ZBTB49: variants seen among roughly 807,000 people sequenced by gnomAD.
The protein encoded by ZBTB49 is zinc finger and BTB domain-containing protein 49.
In ZBTB49, 43 loss-of-function variants were observed where a neutral mutation model predicts 57.5. The ratio of observed to expected loss-of-function variants is 0.75; its 90% CI spans 0.59 to 0.97. The LOEUF (loss-of-function observed/expected upper bound fraction) is 0.97, where lower values mean the gene tolerates loss of function less well. Among genes scored for constraint, ZBTB49 ranks in the 50% least tolerant of loss-of-function variants. The probability of loss-of-function intolerance (pLI) is 0.00; values close to 1 mark genes in which losing one functional copy is unlikely to be tolerated. For synonymous variants in ZBTB49, 369 were observed against 362.1 expected (o/e 1.02, Z -0.22); for missense variants, 938 against 947.7 (o/e 0.99, Z 0.13).
chr4:4,299,989 T>C lies in ZBTB49; in HGVS notation c.44T>C (p.Leu15Pro), dbSNP rs1203847719. The change falls in exon 2 of 8, where the codon CTG becomes CCG. Residue 15 changes from leucine (L) to proline (P), a missense_variant. Physicochemically the swap from Leu to Pro is moderately conservative, Grantham distance 98. Coordinates refer to ENST00000337872, the MANE Select transcript of ZBTB49 (RefSeq NM_145291.4). ...ATHSCHLLQQLHEQRIQGLLC... is the reference protein window; with the variant it reads ...ATHSCHLLQQPHEQRIQGLLC... ...CACAGCTGCCATCTGCTCCAGCAAC[T>C]GCATGAGCAGCGAATCCAAGGCCTG... is the stretch of plus-strand genomic sequence containing the variant. 1 of 1,614,210 alleles carries C rather than the reference T, an allele frequency of 6.2e-7. No homozygotes were observed. The highest frequency in any genetic ancestry group is 8.5e-7 in the Non-Finnish European group (1 of 1,180,038).
At chr4:4,314,781 G>A (rs1721118997) in intron 5 of ZBTB49, among the ~76,000 whole-genome samples, 1 of 152,250 alleles carries the variant, frequency 6.6e-6, no homozygotes, top group Non-Finnish European at 1.5e-5. Context: ...ACATCTGAGG[G>A]CTTGGGTTGG....
In ZBTB49 at chr4:4,299,776, GGT is replaced by G. The variant is rs33911857; in HGVS notation, c.-19-117_-19-116del. ...GCGGTCTAGATGCCTCAGAAACAGA[GGT>G]GTGTGTGTGTGTGTGTGTGTGTGTG... On this transcript the variant is annotated intron_variant, in intron 1 of 7. Coordinates refer to ENST00000337872, the MANE Select transcript of ZBTB49 (RefSeq NM_145291.4). 1.8e-3 allele frequency among the ~76,000 whole-genome samples: 187 copies of G among 103,722 alleles called. 1 individual carries two copies. The highest frequency in any genetic ancestry group is 3.0e-3 in the Non-Finnish European group (121 of 40,490). The allele number at this position is 103,722 out of a possible 152,430, so 68.0% of individuals were successfully genotyped here.
Position 4,320,778 on chromosome 4 carries a change from A to C in ZBTB49, c.1760A>C (p.Lys587Thr). 1 of 1,614,196 alleles carries C rather than the reference A, an allele frequency of 6.2e-7. No homozygotes were observed. Among genetic ancestry groups the C allele is most frequent in the Non-Finnish European group, 8.5e-7 (1 of 1,180,034 alleles). ...VLRRHKKMHCKAGDESPDVLE... is the reference protein window; with the variant it reads ...VLRRHKKMHCTAGDESPDVLE... ...CGGCGGCACAAGAAGATGCACTGCA[A>C]AGCTGGTGACGAGAGCCCAGATGTG... is the stretch of plus-strand genomic sequence containing the variant. The change falls in exon 8 of 8, where the codon AAA becomes ACA. Residue 587 changes from lysine (K) to threonine (T), a missense_variant. Physicochemically the swap from Lys to Thr is moderately conservative, Grantham distance 78. Coordinates refer to ENST00000337872, the MANE Select transcript of ZBTB49 (RefSeq NM_145291.4).
In ZBTB49 at chr4:4,302,554, C is replaced by G. The variant is rs201663629; in HGVS notation, c.718C>G (p.Pro240Ala). The G allele has an allele frequency of 1.9e-6, 3 of 1,613,990 alleles. No homozygotes were observed. Among genetic ancestry groups the G allele is most frequent in the African/African-American group, 1.3e-5 (1 of 75,014 alleles). Residue 240 changes from proline to alanine, a missense_variant, in exon 3 of 8, where the codon CCT (proline) becomes GCT (alanine). Pro to Ala is a conservative substitution (Grantham distance 27, BLOSUM62 -1). Transcript: ENST00000337872. ...CAGTCAGGAGAGAGTTGTTGAGCAG[C>G]CTTTTGCTTTCAGCACCTCTACAGA... Reference protein sequence around the residue: ...GPSQERVVEQPFAFSTSTDLT... With the variant: ...GPSQERVVEQAFAFSTSTDLT...
chr4:4,298,183 G>A (rs961473468), intron 1 of ZBTB49, among the ~76,000 whole-genome samples: 1 of 152,252 alleles, frequency 6.6e-6, no homozygotes, highest in Non-Finnish European at 1.5e-5. Context: ...TAGCCAGTGA[G>A]TGGTGGAACT....
chr4:4,302,613 C>T lies in ZBTB49; in HGVS notation c.777C>T (p.Val259=). ...CGGTAGAGAGCCAGCCTTGTGCCGT[C>T]AGTCATTCTGAATGCATCCTGGAGT... ...LTTVESQPCA[V]SHSECILESP... is the part of the protein sequence containing the mutation. The change falls in exon 3 of 8, where the codon GTC becomes GTT. Residue 259 remains valine, a synonymous_variant. Transcript: ENST00000337872. 6.2e-7 allele frequency: 1 copy of T among 1,613,152 alleles called. No homozygotes were observed. Among genetic ancestry groups the T allele is most frequent in the Non-Finnish European group, 8.5e-7 (1 of 1,179,566 alleles).
At chr4:4,298,067 T>C (rs1720297607) in intron 1 of ZBTB49, among the ~76,000 whole-genome samples, 1 of 152,210 alleles carries the variant, frequency 6.6e-6, no homozygotes, top group Non-Finnish European at 1.5e-5. Flanking sequence ...ACAGAATCCT[T>C]CCATATGCCA....
intron 1 of ZBTB49, among the ~76,000 whole-genome samples, chr4:4,296,764 G>T (rs1348854305): frequency 6.6e-6 from 1 of 152,182 alleles, no homozygotes; most frequent in African/African-American, 2.4e-5. Flanking sequence ...GGAACCTAGG[G>T]GGAGGGCTTT....
chr4:4,313,340 C>T (rs1176976919), intron 5 of ZBTB49, among the ~76,000 whole-genome samples: 1 of 151,928 alleles, frequency 6.6e-6, no homozygotes, highest in East Asian at 1.9e-4. Context: ...GACAGGAGTC[C>T]CAAAAAGGAA....
intron 7 of ZBTB49, among the ~76,000 whole-genome samples, chr4:4,316,950 A>G (rs180897605): frequency 6.6e-6 from 1 of 152,320 alleles, no homozygotes; most frequent in African/African-American, 2.4e-5. Flanking sequence ...AAGCTGGAGG[A>G]TCTCTTGAGC....
Position 4,321,123 on chromosome 4 carries a change from A to G in ZBTB49, c.2105A>G (p.Glu702Gly), listed in dbSNP as rs1459795853. The change falls in exon 8 of 8, where the codon GAA becomes GGA. Residue 702 changes from glutamate to glycine, a missense_variant. Physicochemically the swap from Glu to Gly is moderately conservative, Grantham distance 98 (BLOSUM62 -2). This residue lies in a region of ZBTB49 where 835 missense variants were observed against 819.1 expected (regional missense o/e 1.02). Transcript: ENST00000337872. ...YSDVDTPAGG[E>G]PLQADGMAMI... The stretch of plus-strand genomic sequence containing the variant: ...GATGTGGACACCCCAGCCGGTGGCG[A>G]ACCACTGCAGGCCGATGGCATGGCC... 9 of 1,614,152 alleles carry G rather than the reference A, an allele frequency of 5.6e-6. No individual in the cohort carries two copies. Among genetic ancestry groups the G allele is most frequent in the Non-Finnish European group, 7.6e-6 (9 of 1,180,030 alleles).
Position 4,302,621 on chromosome 4 carries a change from C to T in ZBTB49, c.785C>T (p.Ser262Phe). The T allele has an allele frequency of 6.2e-7, 1 of 1,612,946 alleles. No homozygotes were observed. The highest frequency in any genetic ancestry group is 8.5e-7 in the Non-Finnish European group (1 of 1,179,446). ...VESQPCAVSH[S>F]ECILESPEHL... ...AGCCAGCCTTGTGCCGTCAGTCATTCTGAATGCATCCTGGAGTCTCCCGAG... is the reference window on the plus strand; with the variant it reads ...AGCCAGCCTTGTGCCGTCAGTCATTTTGAATGCATCCTGGAGTCTCCCGAG... Residue 262 changes from serine (S) to phenylalanine (F), a missense_variant, in exon 3 of 8, where the codon TCT (serine) becomes TTT (phenylalanine). Physicochemically the swap from Ser to Phe is radical, Grantham distance 155 (BLOSUM62 -2). Around this residue, in one of 3 missense-constraint regions of ZBTB49, gnomAD observed 835 missense variants for 819.1 expected, o/e 1.02. Coordinates refer to ENST00000337872, the MANE Select transcript of ZBTB49 (RefSeq NM_145291.4).
rs117810181 is a variant in ZBTB49 at position 4,315,106 on chromosome 4, G to A, written c.1377-530G>A. 2.5e-4 allele frequency among the ~76,000 whole-genome samples: 38 copies of A among 152,338 alleles called. 2 individuals are homozygous for A. In the East Asian group the frequency reaches 7.1e-3, roughly 29 times the overall value. On this transcript the variant is annotated intron_variant, in intron 5 of 7. Transcript: ENST00000337872. ...CATACCTCTTGGTCCCTGAGACTCT[G>A]AGCTCCTGTTTGCATTTTACTTTAT...
At chr4:4,294,993 C>T (rs748427575) in intron 1 of ZBTB49, among the ~76,000 whole-genome samples, 6 of 151,156 alleles carry the variant, frequency 4.0e-5, no homozygotes, top group African/African-American at 1.5e-4. Flanking sequence ...GGATTCAAAT[C>T]CTGCCTTTGG....
At position 4,299,993 on chromosome 4, in the gene ZBTB49, T is replaced by C. The variant is rs1327770543; in HGVS notation, c.48T>C (p.His16=). ...GCTGCCATCTGCTCCAGCAACTGCATGAGCAGCGAATCCAAGGCCTGCTTT... is the reference window on the plus strand; with the variant it reads ...GCTGCCATCTGCTCCAGCAACTGCACGAGCAGCGAATCCAAGGCCTGCTTT... ...THSCHLLQQL[H]EQRIQGLLCD... The change falls in exon 2 of 8, where the codon CAT becomes CAC. Residue 16 remains histidine (H), a synonymous_variant. Transcript: ENST00000337872. 6.2e-7 allele frequency: 1 copy of C among 1,614,104 alleles called. No homozygotes were observed. The highest frequency in any genetic ancestry group is 1.3e-5 in the African/African-American group (1 of 74,940).
chr4:4,305,407 A>G (rs1222954576), intron 3 of ZBTB49, among the ~76,000 whole-genome samples: 1 of 152,168 alleles, frequency 6.6e-6, no homozygotes, highest in Non-Finnish European at 1.5e-5. Context: ...AAGTCTATTC[A>G]TTAGCGTTAT....
At chr4:4,298,213 C>T (rs749928380) in intron 1 of ZBTB49, among the ~76,000 whole-genome samples, 1 of 152,158 alleles carries the variant, frequency 6.6e-6, no homozygotes, top group Non-Finnish European at 1.5e-5. Flanking sequence ...ACCCACTGGC[C>T]AAGAACATAG....
At chr4:4,292,274 G>A (rs1719979747) in intron 1 of ZBTB49, among the ~76,000 whole-genome samples, 1 of 152,140 alleles carries the variant, frequency 6.6e-6, no homozygotes, top group Non-Finnish European at 1.5e-5. Context: ...GAGCAAGACT[G>A]CGTCTCGGAA....
chr4:4,305,903 A>G (rs892643912), intron 3 of ZBTB49, among the ~76,000 whole-genome samples: 1 of 152,252 alleles, frequency 6.6e-6, no homozygotes, highest in Non-Finnish European at 1.5e-5. Context: ...TGATTTTAAC[A>G]TAAGTTTTGT....
Sources: gnomAD v4.1 joint callset for allele counts (sites outside exome capture counted in the v4.1 genomes callset) on GRCh38, gnomAD v4.1.1 for gene constraint, gnomAD v4.1.1 regional missense constraint, MANE v1.5 for transcripts, NCBI Gene and HGNC (gene_info 2026-07-23, HGNC 2026-07-21) for gene names.